The following MTHFD2L variants were observed in gnomAD, a reference collection of about 807,000 sequenced individuals.
MTHFD2L encodes methylenetetrahydrofolate dehydrogenase (NADP+ dependent) 2 like.
In MTHFD2L, 29 loss-of-function variants were observed where a neutral mutation model predicts 34.9. The observed-to-expected ratio is 0.83, with a 90% confidence interval of 0.62 to 1.13. MTHFD2L has a LOEUF of 1.13. Among genes scored for constraint, MTHFD2L ranks in the 50% most tolerant of loss-of-function variants. MTHFD2L has a pLI of 0.00. For synonymous variants in MTHFD2L, 167 were observed against 155.7 expected (o/e 1.07, Z -0.54); for missense variants, 481 against 446.5 (o/e 1.08, Z -0.70).
chr4:74,132,086 A>G (rs1437842503), intron 1 of MTHFD2L, among the ~76,000 whole-genome samples: 2 of 152,214 alleles, frequency 1.3e-5, no homozygotes, highest in African/African-American at 4.8e-5. Flanking sequence ...AAAGTCAGGA[A>G]ACAACAGATA....
rs116708951 is a variant in MTHFD2L, at chr4:74,240,474, G to C, written c.805+15080G>C. Among the ~76,000 whole-genome samples the C allele has an allele frequency of 5.8e-3, 884 of 152,062 alleles. 10 individuals carry two copies. Among genetic ancestry groups the C allele is most frequent in the African/African-American group, 0.02 (849 of 41,496 alleles). On this transcript the variant is annotated intron_variant, in intron 6 of 7. Transcript: ENST00000325278. Reference sequence around the variant, plus strand: ...TTCAACAGTGTTGGAACATTTAATGGGTGATGGATGATGGTGTATATCTAT... The same window carrying C: ...TTCAACAGTGTTGGAACATTTAATGCGTGATGGATGATGGTGTATATCTAT...
At chr4:74,276,605 T>G (rs1487415626) in intron 6 of MTHFD2L, among the ~76,000 whole-genome samples, 1 of 152,162 alleles carries the variant, frequency 6.6e-6, no homozygotes, top group Non-Finnish European at 1.5e-5. Flanking sequence ...CGATTTTGAT[T>G]CTGTTTTATC....
intron 1 of MTHFD2L, among the ~76,000 whole-genome samples, chr4:74,134,850 C>G (rs1722793446): frequency 6.6e-6 from 1 of 151,748 alleles, no homozygotes; most frequent in Non-Finnish European, 1.5e-5. Context: ...ATCTCAACCA[C>G]AGAATAGGTC....
chr4:74,175,011 G>A (rs1210028640), intron 2 of MTHFD2L, among the ~76,000 whole-genome samples: 1 of 152,138 alleles, frequency 6.6e-6, no homozygotes, highest in Non-Finnish European at 1.5e-5. Context: ...TGGCCTAATA[G>A]TTGCATGGTA....
intron 6 of MTHFD2L, among the ~76,000 whole-genome samples, chr4:74,242,420 C>T (rs1406433627): frequency 6.6e-6 from 1 of 152,014 alleles, no homozygotes; most frequent in Non-Finnish European, 1.5e-5. Flanking sequence ...TCAGTGTTTA[C>T]AATGTTTATT....
At chr4:74,255,282 T>C (rs1015422710) in intron 6 of MTHFD2L, among the ~76,000 whole-genome samples, 9 of 152,004 alleles carry the variant, frequency 5.9e-5, no homozygotes, top group Admixed American at 3.3e-4. Context: ...TAAGCTGTTA[T>C]CAGCTTGAAT....
intron 3 of MTHFD2L, among the ~76,000 whole-genome samples, chr4:74,188,935 A>G (rs2110014206): frequency 6.6e-6 from 1 of 151,968 alleles, no homozygotes; most frequent in Admixed American, 6.6e-5. Flanking sequence ...AATCTACTAG[A>G]AATAGAAAAA....
At chr4:74,245,483 T>C (rs1397625081) in intron 6 of MTHFD2L, among the ~76,000 whole-genome samples, 1 of 82,938 alleles carries the variant, frequency 1.2e-5, no homozygotes, top group Non-Finnish European at 2.4e-5. Flanking sequence ...TTTCAATAAT[T>C]TTTTTTATTA....
At chr4:74,196,551 G>A (rs1733499982) in intron 3 of MTHFD2L, among the ~76,000 whole-genome samples, 1 of 152,164 alleles carries the variant, frequency 6.6e-6, no homozygotes, top group Non-Finnish European at 1.5e-5. Flanking sequence ...CAGTAATGTT[G>A]TAAAAATCTA....
chr4:74,281,433 A>T lies in MTHFD2L; in HGVS notation c.814A>T (p.Lys272Ter). The T allele has an allele frequency of 6.2e-7, 1 of 1,611,864 alleles. No individual in the cohort carries two copies. Among genetic ancestry groups the T allele is most frequent in the Non-Finnish European group, 8.5e-7 (1 of 1,178,878 alleles). The part of the protein sequence containing the change: ...DIIIVAAGIP[K>*]LITSDMVKEG... ...ACTCTTTTTGTTTTCAGGTATTCCA[A>T]AGTTGATTACGTCTGATATGGTTAA... is the stretch of plus-strand genomic sequence containing the variant. Residue 272 changes from lysine to a stop codon, truncating the protein, a stop_gained, in exon 7 of 8, where the codon AAG (lysine) becomes TAG (stop). Transcript: ENST00000325278. LOFTEE classifies it high-confidence loss of function.
intron 6 of MTHFD2L, among the ~76,000 whole-genome samples, chr4:74,237,028 A>C (rs10433673): frequency 0.63 from 95,856 of 152,066 alleles, 33,376 homozygotes; most frequent in Non-Finnish European, 0.77. Flanking sequence ...GTAAAATTTA[A>C]ATATGTTGTG....
chr4:74,222,220 G>C (rs1738329140), intron 5 of MTHFD2L, among the ~76,000 whole-genome samples: 1 of 152,014 alleles, frequency 6.6e-6, no homozygotes, highest in South Asian at 2.1e-4. Context: ...ATTTACATTT[G>C]TCTGCGTTTT....
intron 6 of MTHFD2L, among the ~76,000 whole-genome samples, chr4:74,275,792 G>T (rs1746554841): frequency 6.6e-6 from 1 of 151,858 alleles, no homozygotes; most frequent in South Asian, 2.1e-4. Flanking sequence ...TTTTGATGGG[G>T]TTGTTTGTTC....
At chr4:74,207,100 A>T (rs1441035266) in intron 5 of MTHFD2L, among the ~76,000 whole-genome samples, 1 of 151,942 alleles carries the variant, frequency 6.6e-6, no homozygotes, top group Non-Finnish European at 1.5e-5. Context: ...GGGTCTCCTT[A>T]TGTTGCCCAG....
chr4:74,169,628 T>C (rs1222074442), intron 1 of MTHFD2L, among the ~76,000 whole-genome samples: 6 of 152,222 alleles, frequency 3.9e-5, no homozygotes, highest in Non-Finnish European at 8.8e-5. Flanking sequence ...CTGACACAAA[T>C]TGATTTATGG....
At chr4:74,203,540 C>G (rs574686103) in intron 5 of MTHFD2L, among the ~76,000 whole-genome samples, 1 of 152,104 alleles carries the variant, frequency 6.6e-6, no homozygotes, top group African/African-American at 2.4e-5. Context: ...TAGGCCTTTA[C>G]GAAGGCCTCA....
intron 6 of MTHFD2L, among the ~76,000 whole-genome samples, chr4:74,248,224 A>C (rs926808709): frequency 3.3e-5 from 5 of 152,092 alleles, no homozygotes; most frequent in African/African-American, 1.2e-4. Flanking sequence ...TGTATGTGTC[A>C]AGGAATTTAT....
intron 7 of MTHFD2L, among the ~76,000 whole-genome samples, chr4:74,287,707 A>G (rs1268328188): frequency 1.3e-5 from 2 of 152,202 alleles, no homozygotes; most frequent in Non-Finnish European, 1.5e-5. Flanking sequence ...AGATCGTGCC[A>G]CTGCACTCTA....
upstream of MTHFD2L, chr4:74,156,671 A>G (rs535466337): frequency 2.0e-5 from 3 of 152,322 alleles, no homozygotes; most frequent in Non-Finnish European, 4.4e-5. Context: ...TTTATTCACC[A>G]ACAATGAATG....
Sources: allele counts gnomAD v4.1 joint callset (sites outside exome capture counted in the v4.1 genomes callset), GRCh38; gene constraint gnomAD v4.1.1; transcripts MANE v1.5; gene names NCBI Gene and HGNC (gene_info 2026-07-23, HGNC 2026-07-21).